Variants in IRF7 observed in about 807,000 individuals in gnomAD.
IRF7 encodes interferon regulatory factor 7, also known as interferon regulatory factor-7H.
IRF7 carries 67 observed loss-of-function variants against 51.3 expected under a neutral mutation model. The observed-to-expected ratio is 1.31, with a 90% CI of 1.07 to 1.60. The LOEUF (loss-of-function observed/expected upper bound fraction) is 1.60. Ranked by LOEUF, IRF7 falls within the 40% of genes most tolerant of loss-of-function variation. The pLI is 0.00. For synonymous variants in IRF7, 427 were observed against 301.3 expected (o/e 1.42, Z -4.32); for missense variants, 873 against 701.5 (o/e 1.24, Z -2.76).
In IRF7 at chr11:615,342, T is replaced by TA. The variant is rs1184304025; in HGVS notation, c.20+2dup. 4.6e-6 allele frequency: 7 copies of TA among 1,537,148 alleles called. No homozygotes were observed. The highest frequency in any genetic ancestry group is 6.1e-6 in the Non-Finnish European group (7 of 1,146,968). On this transcript the variant is annotated splice_region_variant and intron_variant, in intron 2 of 10. Coordinates refer to ENST00000525445, the MANE Select transcript of IRF7 (RefSeq NM_001572.5). Reference sequence around the variant, plus strand: ...ATCTGGAGAGGGTGGGCCGGGCTCTTACCTCTCAGGAGCCAAGGCCATTGC... The same window carrying TA: ...ATCTGGAGAGGGTGGGCCGGGCTCTTAACCTCTCAGGAGCCAAGGCCATTGC...
Position 613,532 on chromosome 11 carries a change from A to G in IRF7, c.911T>C (p.Val304Ala). The change falls in exon 9 of 11, where the codon GTG becomes GCG. Residue 304 changes from valine (V) to alanine (A), a missense_variant. Val to Ala is a moderately conservative substitution (Grantham distance 64). Transcript: ENST00000525445. ...MYKGRTVLQKVVGHPSCTFLY... is the reference protein window; with the variant it reads ...MYKGRTVLQKAVGHPSCTFLY... ...GAACGTGCAGCTCGGGTGTCCCACC[A>G]CCTTCTGCAGCACCGTGCGGCCCTT... 1 of 1,570,040 alleles carries G rather than the reference A, an allele frequency of 6.4e-7. No individual in the cohort carries two copies.
rs375139815 is a variant in IRF7, at chr11:614,484, G to A, written c.445C>T (p.Pro149Ser). The A allele has an allele frequency of 6.4e-7, 1 of 1,565,186 alleles. No individual in the cohort carries two copies. Among genetic ancestry groups the A allele is most frequent in the South Asian group, 1.2e-5 (1 of 85,364 alleles). ...GGCAGAGAGAAGGGTACCTGTGGTGGTGGGACAGCTGCGGGGGCCTCTGCC... is the reference window on the plus strand; with the variant it reads ...GGCAGAGAGAAGGGTACCTGTGGTGATGGGACAGCTGCGGGGGCCTCTGCC... ...TEAEAPAAVPPPQGGPPGPFL... is the reference protein window; with the variant it reads ...TEAEAPAAVPSPQGGPPGPFL... Residue 149 changes from proline (P) to serine (S), a missense_variant, in exon 5 of 11, where the codon CCA becomes TCA. Coordinates refer to ENST00000525445, the MANE Select transcript of IRF7 (RefSeq NM_001572.5).
Position 615,548 on chromosome 11 carries a change from G to T in IRF7, c.-184C>A. The stretch of plus-strand genomic sequence containing the variant: ...GCCTCGGTATGGATCTCTTGGCAGA[G>T]GGGGCTACAGGTGTGACTGCAGGTG... On this transcript the variant is annotated 5_prime_UTR_variant, in exon 2 of 11. Transcript: ENST00000525445. 1.6e-6 allele frequency: 1 copy of T among 618,508 alleles called. No homozygotes were observed. Among genetic ancestry groups the T allele is most frequent in the Non-Finnish European group, 2.7e-6 (1 of 374,706 alleles). The allele number at this position is 618,508 out of a possible 1,614,324, so 38.3% of individuals were successfully genotyped here. A position where few individuals can be genotyped will look rare whatever the true frequency, so the allele number is the denominator to read the frequency against.
In IRF7 at chr11:613,393, C is replaced by A. The variant is rs1188984179; in HGVS notation, c.1050G>T (p.Leu350=). ...GGTGCAACCCAGGGGCCACGTGCCG[C>A]AGCAGTTCCTCCGTGTAGCGCAGCT... is the stretch of plus-strand genomic sequence containing the variant. ...QKQLRYTEEL[L]RHVAPGLHLE... is the part of the protein sequence containing the mutation. The change falls in exon 9 of 11, where the codon CTG becomes CTT. Residue 350 remains leucine, a synonymous_variant. Transcript: ENST00000525445. 7 of 1,597,050 alleles carry A rather than the reference C, an allele frequency of 4.4e-6. No individual in the cohort carries two copies. The highest frequency in any genetic ancestry group is 5.1e-6 in the Non-Finnish European group (6 of 1,174,056).
chr11:613,858 G>A lies in IRF7; in HGVS notation c.774C>T (p.Ala258=). Residue 258 remains alanine (A), a synonymous_variant, in exon 8 of 11, where the codon GCC becomes GCT. Coordinates refer to ENST00000525445, the MANE Select transcript of IRF7 (RefSeq NM_001572.5). ...CCTGGTGCGGGGACTCTGGGGCCGC[G>A]GCCTCGCCTGCATCCGGAAGGGAAT... is the stretch of plus-strand genomic sequence containing the variant. ...PQPAALTTGE[A]AAPESPHQAE... 6.3e-7 allele frequency: 1 copy of A among 1,598,554 alleles called. No individual in the cohort carries two copies. Among genetic ancestry groups the A allele is most frequent in the Non-Finnish European group, 8.5e-7 (1 of 1,174,038 alleles).
intron 10 of IRF7, 91 bp downstream of exon 10, chr11:612,908 T>C: frequency 1.3e-6 from 2 of 1,582,916 alleles, no homozygotes; most frequent in Non-Finnish European, 1.7e-6. Context: ...GTGTATGGCC[T>C]CCCCTCCCCC....
At position 614,326 on chromosome 11, in the gene IRF7, G is replaced by C; in HGVS notation, c.527C>G (p.Ala176Gly). The change falls in exon 6 of 11, where the codon GCT becomes GGT. Residue 176 changes from alanine (A) to glycine (G), a missense_variant. Physicochemically the swap from Ala to Gly is moderately conservative, Grantham distance 60. Coordinates refer to ENST00000525445, the MANE Select transcript of IRF7 (RefSeq NM_001572.5). ...LQAPGPLPAPAGDKGDLLLQA... is the reference protein window; with the variant it reads ...LQAPGPLPAPGGDKGDLLLQA... ...GAGCAGGAGGTCCCCCTTGTCACCA[G>C]CTGGGGCAGGGAGGGGGCCTGGGGC... is the stretch of plus-strand genomic sequence containing the variant. The C allele has an allele frequency of 6.2e-7, 1 of 1,611,328 alleles. No homozygotes were observed. Among genetic ancestry groups the C allele is most frequent in the Non-Finnish European group, 8.5e-7 (1 of 1,179,442 alleles).
In IRF7 at chr11:614,875, C is replaced by G. The variant is rs576761308; in HGVS notation, c.316G>C (p.Val106Leu). 2 of 1,578,504 alleles carry G rather than the reference C, an allele frequency of 1.3e-6. No homozygotes were observed. The highest frequency in any genetic ancestry group is 1.7e-6 in the Non-Finnish European group (2 of 1,164,166). ...RCALRSTRRF[V>L]MLRDNSGDPA... ...TCCCCCGAGTTATCCCGCAGCATCA[C>G]GAAGCGACGCGTGCTGCGCAGTGCG... The change falls in exon 4 of 11, where the codon GTG becomes CTG. Residue 106 changes from valine to leucine, a missense_variant. Val to Leu is a conservative substitution (Grantham distance 32, BLOSUM62 1). Coordinates refer to ENST00000525445, the MANE Select transcript of IRF7 (RefSeq NM_001572.5).
At position 612,726 on chromosome 11, in the gene IRF7, G is replaced by A; in HGVS notation, c.1431C>T (p.Ser477=). ...TGGCGCTGGACAGGCAGAGGCTGAGGCTGCTGCTATCCAGGGAAGACACAC... is the reference window on the plus strand; with the variant it reads ...TGGCGCTGGACAGGCAGAGGCTGAGACTGCTGCTATCCAGGGAAGACACAC... The part of the protein sequence containing the change: ...REGVSSLDSS[S]LSLCLSSANS... The change falls in exon 11 of 11, where the codon AGC becomes AGT. Residue 477 remains serine (S), a synonymous_variant. Transcript: ENST00000525445. 1.2e-6 allele frequency: 2 copies of A among 1,612,764 alleles called. No homozygotes were observed. The highest frequency in any genetic ancestry group is 8.5e-7 in the Non-Finnish European group (1 of 1,179,996).
chr11:615,281 G>C (rs778688039), intron 2 of IRF7, 22 bp from the exon 3 acceptor site: 5 of 1,580,294 alleles, frequency 3.2e-6, no homozygotes, highest in Non-Finnish European at 4.3e-6. Context: ...CGGCCGCGGA[G>C]AGTCAGGGCC....
chr11:612,913 T>TCC (rs1856520058), intron 10 of IRF7, 86 bp downstream of exon 10: 1 of 1,577,066 alleles, frequency 6.3e-7, no homozygotes, highest in Non-Finnish European at 8.7e-7. Flanking sequence ...TGGCCTCCCC[T>TCC]CCCCCTCTCC....
chr11:614,153 C>A (rs758778364), intron 6 of IRF7, 21 bp downstream of exon 6: 15 of 1,606,026 alleles, frequency 9.3e-6, no homozygotes, highest in East Asian at 6.7e-5. Context: ...GCGCTCCCCC[C>A]CTCCCCGGGC....
rs1263250882 is a variant in IRF7 at position 613,521 on chromosome 11, G to A, written c.922C>T (p.Pro308Ser). The A allele has an allele frequency of 2.7e-5, 43 of 1,564,242 alleles. No individual in the cohort carries two copies. Among genetic ancestry groups the A allele is most frequent in the Non-Finnish European group, 3.5e-5 (41 of 1,157,420 alleles). Residue 308 changes from proline (P) to serine (S), a missense_variant, in exon 9 of 11, where the codon CCG becomes TCG. Transcript: ENST00000525445. ...GGGCCGTATAGGAACGTGCAGCTCG[G>A]GTGTCCCACCACCTTCTGCAGCACC... The part of the protein sequence containing the change: ...RTVLQKVVGH[P>S]SCTFLYGPPD...
intron 4 of IRF7, 49 bp from the exon 5 acceptor site, chr11:614,583 T>G (rs531116444): frequency 3.9e-6 from 6 of 1,543,628 alleles, no homozygotes; most frequent in East Asian, 2.4e-5. Context: ...GAGTGAGAGA[T>G]ACAAGGAGAG....
At position 613,988 on chromosome 11, in the gene IRF7, G is replaced by A. The variant is rs978303088; in HGVS notation, c.729C>T (p.Thr243=). 1 of 1,608,242 alleles carries A rather than the reference G, an allele frequency of 6.2e-7. No homozygotes were observed. Among genetic ancestry groups the A allele is most frequent in the African/African-American group, 1.3e-5 (1 of 74,702 alleles). ...GELYGWAVET[T]PSPGPQPAAL... Reference sequence around the variant, plus strand: ...CCGCGGGCTGGGGCCCGGGGCTGGGGGTCGTCTCTACTGCCCACCCGTACA... The same window carrying A: ...CCGCGGGCTGGGGCCCGGGGCTGGGAGTCGTCTCTACTGCCCACCCGTACA... The change falls in exon 7 of 11, where the codon ACC becomes ACT. Residue 243 remains threonine, a synonymous_variant. Coordinates refer to ENST00000525445, the MANE Select transcript of IRF7 (RefSeq NM_001572.5).
chr11:613,687 GTGGGCGGGGA>G, intron 8 of IRF7, 88 bp downstream of exon 8: 4 of 793,956 alleles, frequency 5.0e-6, no homozygotes, highest in East Asian at 3.0e-5. Flanking sequence ...AGTGACGGGG[GTGGGCGGGGA>G]CAGGATGTGA....
In IRF7 at chr11:613,392, G is replaced by T. The variant is rs746541898; in HGVS notation, c.1051C>A (p.Arg351=). The change falls in exon 9 of 11, where the codon CGG becomes AGG. Residue 351 remains arginine, a synonymous_variant. Transcript: ENST00000525445. ...AGGTGCAACCCAGGGGCCACGTGCC[G>T]CAGCAGTTCCTCCGTGTAGCGCAGC... ...KQLRYTEELL[R]HVAPGLHLEL... 1.9e-6 allele frequency: 3 copies of T among 1,596,598 alleles called. No homozygotes were observed. The highest frequency in any genetic ancestry group is 1.1e-5 in the South Asian group (1 of 88,874).
chr11:614,355 G>C lies in IRF7; in HGVS notation c.498C>G (p.Leu166=). 1.2e-6 allele frequency: 2 copies of C among 1,609,962 alleles called. No individual in the cohort carries two copies. Among genetic ancestry groups the C allele is most frequent in the Middle Eastern group, 1.7e-4 (1 of 6,058 alleles). ...GPFLAHTHAG[L]QAPGPLPAPA... Reference sequence around the variant, plus strand: ...GGGCAGGGAGGGGGCCTGGGGCTTGGAGTCCAGCATGTGTGTGTGCCAGGA... The same window carrying C: ...GGGCAGGGAGGGGGCCTGGGGCTTGCAGTCCAGCATGTGTGTGTGCCAGGA... The change falls in exon 6 of 11, where the codon CTC becomes CTG. Residue 166 remains leucine (L), a synonymous_variant. Coordinates refer to ENST00000525445, the MANE Select transcript of IRF7 (RefSeq NM_001572.5).
At position 615,454 on chromosome 11, in the gene IRF7, C is replaced by T. The variant is rs553574142; in HGVS notation, c.-90G>A. 186 of 1,407,000 alleles carry T rather than the reference C, an allele frequency of 1.3e-4. No homozygotes were observed. In the African/African-American group the frequency reaches 1.9e-3, roughly 14 times the overall value. 87.2% of individuals were successfully genotyped at this position (1,407,000 alleles called of 1,614,324 possible). On this transcript the variant is annotated 5_prime_UTR_variant, in exon 2 of 11. Coordinates refer to ENST00000525445, the MANE Select transcript of IRF7 (RefSeq NM_001572.5). ...GTCGCAGCAGACGCCAGGCCGCGGC[C>T]ACAGGTCGTGTGGCCAGGTGTCACA...
Sources: gnomAD v4.1 joint callset for allele counts on GRCh38, gnomAD v4.1.1 for gene constraint, MANE v1.5 for transcripts, NCBI Gene and HGNC (gene_info 2026-07-23, HGNC 2026-07-21) for gene names.